Variants in LARGE1 observed in about 807,000 individuals in gnomAD.
LARGE1 encodes the protein LARGE xylosyl- and glucuronyltransferase 1.
LARGE1 carries 43 observed loss-of-function variants against 87.6 expected under a neutral mutation model. That is an observed-to-expected ratio of 0.49 (90% CI 0.38 to 0.63). LARGE1 has a LOEUF of 0.63. Ranked by LOEUF, LARGE1 falls within the 30% of genes least tolerant of loss-of-function variation. The pLI, the probability that LARGE1 is intolerant of heterozygous loss-of-function variation, is 0.00. For synonymous variants in LARGE1, 434 were observed against 394.6 expected (o/e 1.10, Z -1.18); for missense variants, 802 against 1,000.2 (o/e 0.80, Z 2.67).
At chr22:33,834,568 C>G (rs1296846712) in intron 1 of LARGE1, among the ~76,000 whole-genome samples, 1 of 152,180 alleles carries the variant, frequency 6.6e-6, no homozygotes, top group Non-Finnish European at 1.5e-5. Flanking sequence ...AGCCCCACCC[C>G]ATCTCCCTTC....
chr22:33,328,841 G>A (rs1937468542), intron 10 of LARGE1, among the ~76,000 whole-genome samples: 2 of 151,902 alleles, frequency 1.3e-5, no homozygotes, highest in Non-Finnish European at 2.9e-5. Context: ...TTCTAATCAC[G>A]GCCCCAGCAC....
At chr22:33,871,113 A>G (rs2064266346) in intron 1 of LARGE1, among the ~76,000 whole-genome samples, 1 of 152,236 alleles carries the variant, frequency 6.6e-6, no homozygotes. Flanking sequence ...TGCACTCAGG[A>G]GCACCTTAAA....
At chr22:33,826,863 T>G (rs1172159043) in intron 1 of LARGE1, among the ~76,000 whole-genome samples, 3 of 152,016 alleles carry the variant, frequency 2.0e-5, no homozygotes, top group Non-Finnish European at 2.9e-5. Flanking sequence ...AAAAAAAAAT[T>G]TAACCCTTTA....
At chr22:33,743,923 G>C (rs562869290) in intron 2 of LARGE1, 1 of 152,306 alleles carries the variant, frequency 6.6e-6, no homozygotes, top group Admixed American at 6.5e-5. Context: ...CAATGAGAAA[G>C]TGAGCTCTTT....
chr22:33,866,113 C>A (rs1352826748), intron 1 of LARGE1, among the ~76,000 whole-genome samples: 5 of 151,986 alleles, frequency 3.3e-5, no homozygotes, highest in Non-Finnish European at 7.4e-5. Flanking sequence ...CCTCCGGCCT[C>A]AGCTCTGGGT....
chr22:33,586,895 A>G (rs1041890946), intron 5 of LARGE1, among the ~76,000 whole-genome samples: 2 of 152,238 alleles, frequency 1.3e-5, no homozygotes, highest in Admixed American at 6.5e-5. Context: ...AGTCTGCAAA[A>G]TGCAATGAAA....
rs1209955457 is a variant in LARGE1 at position 33,541,051 on chromosome 22, TTGC to T, written c.787+23794_787+23796del. Among the ~76,000 whole-genome samples, 13 of 13,478 alleles carry T rather than the reference TTGC, an allele frequency of 9.6e-4. 3 individuals carry two copies. Among genetic ancestry groups the T allele is most frequent in the African/African-American group, 2.9e-3 (10 of 3,478 alleles). 8.8% of individuals were successfully genotyped at this position (13,478 alleles called of 152,430 possible). A position where few individuals can be genotyped will look rare whatever the true frequency, so the allele number is the denominator to read the frequency against. ...TACTCATGGTGGCTGGGGTGGTGGG[TTGC>T]GGGGGGGGGGGGGCGGGGGGCGGGT... On this transcript the variant is annotated intron_variant, in intron 6 of 14. Transcript: ENST00000397394.
chr22:33,124,811 G>A, the LARGE1 span, among the ~76,000 whole-genome samples: 5 of 152,264 alleles, frequency 3.3e-5, no homozygotes, highest in Middle Eastern at 3.4e-3. Context: ...AGACCAGCCT[G>A]GGCAACATAG....
chr22:33,308,499 T>C (rs1438361851), intron 11 of LARGE1, among the ~76,000 whole-genome samples: 2 of 152,168 alleles, frequency 1.3e-5, no homozygotes, highest in African/African-American at 2.4e-5. Flanking sequence ...GATTACAAAA[T>C]AGCTATCAAT....
chr22:33,880,290 G>A (rs759185151), intron 1 of LARGE1, among the ~76,000 whole-genome samples: 2 of 152,176 alleles, frequency 1.3e-5, no homozygotes, highest in Non-Finnish European at 1.5e-5. Flanking sequence ...ACGAAAGAAA[G>A]GTCTTGACCA....
rs1258828736 is a variant in LARGE1 at position 33,272,988 on chromosome 22, A to C, written c.*1439T>G. ...TGAGAAAAATAGAATGGGGGAACAG[A>C]AAGTGTGAAGTTGCTGTTTATCCAC... On this transcript the variant is annotated 3_prime_UTR_variant, in exon 15 of 15. Coordinates refer to ENST00000397394, the MANE Select transcript of LARGE1 (RefSeq NM_133642.5). The C allele has an allele frequency of 6.2e-6, 1 of 160,130 alleles. No homozygotes were observed. Among genetic ancestry groups the C allele is most frequent in the East Asian group, 1.8e-4 (1 of 5,526 alleles). 9.9% of individuals were successfully genotyped at this position (160,130 alleles called of 1,614,324 possible).
the LARGE1 span, among the ~76,000 whole-genome samples, chr22:33,082,191 C>T: frequency 6.6e-5 from 10 of 152,210 alleles, no homozygotes; most frequent in East Asian, 1.9e-4. Flanking sequence ...TCTCTACTGC[C>T]GCACTGATTA....
intron 2 of LARGE1, among the ~76,000 whole-genome samples, chr22:33,731,963 G>C (rs907104144): frequency 1.3e-5 from 2 of 152,078 alleles, no homozygotes; most frequent in Admixed American, 6.5e-5. Flanking sequence ...ACCATATTTC[G>C]CTACAGGAAA....
rs924094593 is a variant in LARGE1 at position 33,273,812 on chromosome 22, A to T, written c.*615T>A. 2.5e-6 allele frequency: 1 copy of T among 394,132 alleles called. No homozygotes were observed. Among genetic ancestry groups the T allele is most frequent in the African/African-American group, 2.1e-5 (1 of 48,492 alleles). The allele number at this position is 394,132 out of a possible 1,614,324, so 24.4% of individuals were successfully genotyped here. Reference sequence around the variant, plus strand: ...CAAAAATAAACAAAACCCCCAAAGAAAAACAAAACAAAACAGGAGTGACTT... The same window carrying T: ...CAAAAATAAACAAAACCCCCAAAGATAAACAAAACAAAACAGGAGTGACTT... On this transcript the variant is annotated 3_prime_UTR_variant, in exon 15 of 15. Transcript: ENST00000397394.
At chr22:33,696,927 T>G (rs1220717297) in intron 2 of LARGE1, among the ~76,000 whole-genome samples, 1 of 152,162 alleles carries the variant, frequency 6.6e-6, no homozygotes, top group South Asian at 2.1e-4. Context: ...TTAACTCCCA[T>G]TGTATCCCTT....
intron 7 of LARGE1, among the ~76,000 whole-genome samples, chr22:33,409,815 CAT>C: frequency 5.5e-5 from 8 of 144,180 alleles, no homozygotes; most frequent in Non-Finnish European, 6.0e-5. Context: ...GAGCCAAGAT[CAT>C]GCCACTGCAC....
rs57605083 is a variant in LARGE1 at position 33,433,607 on chromosome 22, CAAAAAAAAA to C, written c.788-1351_788-1343del. ...CAAGACTCCGTCTCAAAAAACAAAA[CAAAAAAAAA>C]AAAAAAAAAAAAAAGAAAGGGAAAT... On this transcript the variant is annotated intron_variant, in intron 6 of 14. Transcript: ENST00000397394. Among the ~76,000 whole-genome samples, 6 of 88,264 alleles carry C rather than the reference CAAAAAAAAA, an allele frequency of 6.8e-5. No individual in the cohort carries two copies. The South Asian group carries it at 2.4e-3, about 35-fold the overall frequency. 57.9% of individuals were successfully genotyped at this position (88,264 alleles called of 152,430 possible). A position where few individuals can be genotyped will look rare whatever the true frequency, so the allele number is the denominator to read the frequency against.
intron 12 of LARGE1, among the ~76,000 whole-genome samples, chr22:33,295,575 C>A (rs1473882324): frequency 6.6e-6 from 1 of 152,226 alleles, no homozygotes; most frequent in Non-Finnish European, 1.5e-5. Flanking sequence ...AAGGAGCCAC[C>A]TGTGCTGCTC....
At chr22:33,720,002 C>A (rs1024466962) in intron 2 of LARGE1, among the ~76,000 whole-genome samples, 1 of 152,088 alleles carries the variant, frequency 6.6e-6, no homozygotes, top group Non-Finnish European at 1.5e-5. Context: ...TTGTGGAAGA[C>A]CATTTCTCCG....
Sources: gnomAD v4.1 joint callset for allele counts (sites outside exome capture counted in the v4.1 genomes callset) on GRCh38, gnomAD v4.1.1 for gene constraint, MANE v1.5 for transcripts, NCBI Gene and HGNC (gene_info 2026-07-23, HGNC 2026-07-21) for gene names.